TDRD3: variants seen among roughly 807,000 people sequenced by gnomAD.
TDRD3 encodes the protein tudor domain containing 3.
Under a neutral mutation model 86.7 loss-of-function variants are expected in TDRD3, and 45 were observed. That is an observed-to-expected ratio of 0.52 (90% CI 0.41 to 0.67). The LOEUF (loss-of-function observed/expected upper bound fraction) is 0.67. TDRD3 is among the 30% of genes least tolerant of loss of function. The pLI is 0.00. For synonymous variants in TDRD3, 298 were observed against 301.7 expected, an observed-to-expected ratio of 0.99 and a Z score of 0.13; for missense variants, 814 against 889.0, an observed-to-expected ratio of 0.92 and a Z score of 1.07.
intron 12 of TDRD3, among the ~76,000 whole-genome samples, chr13:60,542,867 G>A (rs2137857118): frequency 6.6e-6 from 1 of 151,820 alleles, no homozygotes. Context: ...TGATGTATAT[G>A]GGCTACCCTT....
chr13:60,517,271 G>A (rs1324712279), intron 10 of TDRD3, among the ~76,000 whole-genome samples: 1 of 151,824 alleles, frequency 6.6e-6, no homozygotes, highest in African/African-American at 2.4e-5. Flanking sequence ...GAAGAATAGG[G>A]ACCTCACAAA....
At chr13:60,503,353 T>C (rs928737114) in intron 8 of TDRD3, among the ~76,000 whole-genome samples, 1 of 152,214 alleles carries the variant, frequency 6.6e-6, no homozygotes, top group Non-Finnish European at 1.5e-5. Flanking sequence ...AAATGACATT[T>C]CCAGGGTAGT....
intron 5 of TDRD3, among the ~76,000 whole-genome samples, chr13:60,469,186 T>C (rs1956019671): frequency 6.6e-6 from 1 of 152,188 alleles, no homozygotes; most frequent in Non-Finnish European, 1.5e-5. Flanking sequence ...AGTAGCTTAA[T>C]AGTTCTACAT....
intron 1 of TDRD3, among the ~76,000 whole-genome samples, chr13:60,401,346 T>C (rs961805491): frequency 6.6e-6 from 1 of 152,232 alleles, no homozygotes; most frequent in African/African-American, 2.4e-5. Context: ...TTAAGTAGTC[T>C]AGAGATGATT....
chr13:60,520,636 G>A (rs1024728677), intron 10 of TDRD3, among the ~76,000 whole-genome samples: 1 of 152,082 alleles, frequency 6.6e-6, no homozygotes, highest in Non-Finnish European at 1.5e-5. Flanking sequence ...CCTATTTGTT[G>A]TCTGCCTCTG....
intron 13 of TDRD3, among the ~76,000 whole-genome samples, chr13:60,571,458 A>G (rs963774544): frequency 1.3e-5 from 2 of 152,210 alleles, no homozygotes; most frequent in African/African-American, 2.4e-5. Flanking sequence ...ATTCTAATAT[A>G]TGCTGAAATT....
intron 5 of TDRD3, among the ~76,000 whole-genome samples, chr13:60,482,702 C>T (rs1956343664): frequency 6.6e-6 from 1 of 152,104 alleles, no homozygotes; most frequent in East Asian, 1.9e-4. Context: ...CACTCATATA[C>T]ACTTTAAATT....
intron 4 of TDRD3, 23 bp from the exon 5 acceptor site, chr13:60,467,215 T>A (rs770333331): frequency 1.9e-6 from 3 of 1,611,756 alleles, no homozygotes; most frequent in Admixed American, 3.4e-5. Flanking sequence ...AATATGTTTT[T>A]AACACTTTTC....
intron 5 of TDRD3, among the ~76,000 whole-genome samples, chr13:60,471,213 G>T: frequency 6.6e-6 from 1 of 152,154 alleles, no homozygotes; most frequent in Non-Finnish European, 1.5e-5. Flanking sequence ...TCCATTTTGA[G>T]TTAATTTTTG....
intron 4 of TDRD3, 24 bp downstream of exon 4, chr13:60,460,564 A>C: frequency 6.6e-7 from 1 of 1,518,230 alleles, no homozygotes; most frequent in Non-Finnish European, 8.8e-7. Flanking sequence ...TATTTTGTGT[A>C]TTTGTTACAG....
At chr13:60,424,015 TTTTG>T (rs368725310) in intron 1 of TDRD3, among the ~76,000 whole-genome samples, 226 of 152,130 alleles carry the variant, frequency 1.5e-3, no homozygotes, top group African/African-American at 5.1e-3. Flanking sequence ...CAGTGGTTTT[TTTTG>T]TTTGTTTGTT....
At chr13:60,492,979 C>T (rs1272742763) in intron 7 of TDRD3, among the ~76,000 whole-genome samples, 18 of 132,508 alleles carry the variant, frequency 1.4e-4, no homozygotes, top group Middle Eastern at 6.0e-3. Context: ...AGTGCAGTGG[C>T]GCGATCTCGG....
chr13:60,539,208 T>C (rs1353476896), intron 12 of TDRD3, among the ~76,000 whole-genome samples: 2 of 152,114 alleles, frequency 1.3e-5, no homozygotes, highest in Non-Finnish European at 2.9e-5. Context: ...TCATTATGTA[T>C]CTAGTACATC....
At chr13:60,563,232 T>TAAAAAAAAA in intron 12 of TDRD3, among the ~76,000 whole-genome samples, 1 of 135,046 alleles carries the variant, frequency 7.4e-6, no homozygotes, top group Non-Finnish European at 1.6e-5. Flanking sequence ...CATATCAATT[T>TAAAAAAAAA]AAAAAAAAAA....
Position 60,510,650 on chromosome 13 carries a change from C to T in TDRD3, c.1036C>T (p.Arg346Ter), listed in dbSNP as rs761323633. ...TAAAGGTAGAGGAAAAGGCAGGGGG[C>T]GAATAAGATCTGAAGATGAAGAGGA... ...PLRGRGKGRG[R>*]IRSEDEEDLG... Residue 346 changes from arginine to a stop codon, truncating the protein, a stop_gained, in exon 10 of 14, where the codon CGA becomes TGA. Coordinates refer to ENST00000377881, the MANE Select transcript of TDRD3 (RefSeq NM_001146070.2). LOFTEE classifies it high-confidence loss of function. 5.0e-6 allele frequency: 8 copies of T among 1,600,260 alleles called. No individual in the cohort carries two copies. Among genetic ancestry groups the T allele is most frequent in the African/African-American group, 2.7e-5 (2 of 74,388 alleles).
intron 10 of TDRD3, among the ~76,000 whole-genome samples, chr13:60,513,347 C>T (rs561083155): frequency 2.4e-4 from 36 of 152,292 alleles, no homozygotes; most frequent in Non-Finnish European, 2.8e-4. Context: ...CCATGAAGAC[C>T]TCTGACATGC....
chr13:60,458,605 T>G (rs1178183402), intron 3 of TDRD3, among the ~76,000 whole-genome samples: 1 of 152,180 alleles, frequency 6.6e-6, no homozygotes, highest in Non-Finnish European at 1.5e-5. Context: ...GTGCCTAGGA[T>G]GCATGAGTCT....
At chr13:60,399,366 T>G (rs995026320) in intron 1 of TDRD3, among the ~76,000 whole-genome samples, 3 of 152,250 alleles carry the variant, frequency 2.0e-5, no homozygotes, top group Non-Finnish European at 4.4e-5. Context: ...CTGTGCTGCT[T>G]CTGTATGGCA....
intron 3 of TDRD3, among the ~76,000 whole-genome samples, chr13:60,445,702 C>T (rs775745757): frequency 1.3e-5 from 2 of 152,160 alleles, no homozygotes; most frequent in Non-Finnish European, 2.9e-5. Flanking sequence ...AGGAAGGATA[C>T]TTAGAAAAGT....
Sources: allele counts gnomAD v4.1 joint callset (sites outside exome capture counted in the v4.1 genomes callset), GRCh38; gene constraint gnomAD v4.1.1; transcripts MANE v1.5; gene names NCBI Gene and HGNC (gene_info 2026-07-23, HGNC 2026-07-21).